Variants in DSCAM observed in about 807,000 individuals in gnomAD.
DSCAM encodes cell adhesion molecule DSCAM.
A neutral mutation model predicts 217.7 loss-of-function variants in DSCAM; 47 were observed. That is an observed-to-expected ratio of 0.22 (90% CI 0.17 to 0.28). The LOEUF (loss-of-function observed/expected upper bound fraction) is 0.28. DSCAM is among the 10% of genes least tolerant of loss of function. The probability of loss-of-function intolerance (pLI) is 1.00; values close to 1 mark genes in which losing one functional copy is unlikely to be tolerated. For missense variants in DSCAM, 2,080 were observed against 2,618.3 expected (o/e 0.79, Z 4.49); for synonymous variants, 1,056 against 1,015.3 (o/e 1.04, Z -0.76).
chr21:40,402,849 A>G lies in DSCAM; in HGVS notation c.509-33604T>C, dbSNP rs535893619. On this transcript the variant is annotated intron_variant, in intron 3 of 32. Transcript: ENST00000400454. ...AGTTTTAAGGCTTAATTTTAATGAC[A>G]TATCAAAACTCAGAGTAAGGCAATA... is the stretch of plus-strand genomic sequence containing the variant. Among the ~76,000 whole-genome samples, 68 of 152,274 alleles carry G rather than the reference A, an allele frequency of 4.5e-4. 1 individual carries two copies. The highest frequency in any genetic ancestry group is 1.3e-3 in the African/African-American group (52 of 41,570).
intron 32 of DSCAM, among the ~76,000 whole-genome samples, chr21:40,037,020 A>C (rs2088638774): frequency 6.6e-6 from 1 of 150,418 alleles, no homozygotes; most frequent in African/African-American, 2.5e-5. Flanking sequence ...CGTATTTCAA[A>C]ATAATAAGAG....
intron 1 of DSCAM, among the ~76,000 whole-genome samples, chr21:40,838,830 T>A (rs1034655905): frequency 6.6e-6 from 1 of 152,170 alleles, no homozygotes; most frequent in Non-Finnish European, 1.5e-5. Flanking sequence ...CACAGCATCA[T>A]CTTCTAGGGC....
intron 3 of DSCAM, among the ~76,000 whole-genome samples, chr21:40,483,964 G>A (rs2076003914): frequency 6.6e-6 from 1 of 152,114 alleles, no homozygotes; most frequent in South Asian, 2.1e-4. Context: ...TTTCTGAGAG[G>A]TAAGCAATTT....
Position 40,522,198 on chromosome 21 carries a change from A to C in DSCAM, c.509-152953T>G, listed in dbSNP as rs116296041. Among the ~76,000 whole-genome samples, 794 of 152,322 alleles carry C rather than the reference A, an allele frequency of 5.2e-3. 10 individuals carry two copies. The highest frequency in any genetic ancestry group is 0.018 in the African/African-American group (744 of 41,566). On this transcript the variant is annotated intron_variant, in intron 3 of 32. Coordinates refer to ENST00000400454, the MANE Select transcript of DSCAM (RefSeq NM_001389.5). ...AGAAATCTTTATTAAAGTAAGGCCA[A>C]TATAAGCAGTTAGTAGACAGAAACC...
intron 1 of DSCAM, among the ~76,000 whole-genome samples, chr21:40,727,064 G>C (rs2090963250): frequency 6.6e-6 from 1 of 152,142 alleles, no homozygotes; most frequent in Non-Finnish European, 1.5e-5. Flanking sequence ...TATAATACCA[G>C]TGTCAGGCAT....
chr21:40,030,300 G>C (rs1189540210), intron 32 of DSCAM, among the ~76,000 whole-genome samples: 1 of 151,712 alleles, frequency 6.6e-6, no homozygotes, highest in Non-Finnish European at 1.5e-5. Context: ...TGATAGACAA[G>C]ACCCACAGAG....
intron 3 of DSCAM, among the ~76,000 whole-genome samples, chr21:40,473,713 G>A (rs141528445): frequency 8.0e-4 from 122 of 152,256 alleles, no homozygotes; most frequent in African/African-American, 2.7e-3. Context: ...GGCCTACAAA[G>A]GGGTGATTAA....
intron 20 of DSCAM, among the ~76,000 whole-genome samples, chr21:40,101,338 G>A (rs1022521097): frequency 5.3e-5 from 8 of 152,178 alleles, no homozygotes; most frequent in Non-Finnish European, 1.0e-4. Context: ...CTAAGTGGCT[G>A]CCAAGTTACT....
chr21:40,263,573 G>C (rs1436595025), intron 11 of DSCAM, among the ~76,000 whole-genome samples: 1 of 152,090 alleles, frequency 6.6e-6, no homozygotes, highest in African/African-American at 2.4e-5. Context: ...TTGCTAAGAG[G>C]AAAGTTTACA....
chr21:40,081,033 A>C (rs1161761588), intron 24 of DSCAM, among the ~76,000 whole-genome samples: 1 of 152,200 alleles, frequency 6.6e-6, no homozygotes, highest in Non-Finnish European at 1.5e-5. Context: ...ACCCTATGGA[A>C]CAGTGACGAC....
At chr21:40,731,864 G>A (rs909726549) in intron 1 of DSCAM, among the ~76,000 whole-genome samples, 1 of 151,822 alleles carries the variant, frequency 6.6e-6, no homozygotes, top group Non-Finnish European at 1.5e-5. Context: ...GAGCAGATGG[G>A]ATTACAGGTG....
intron 4 of DSCAM, among the ~76,000 whole-genome samples, chr21:40,358,089 A>AGT (rs112803156): frequency 4.6e-5 from 7 of 152,320 alleles, no homozygotes; most frequent in African/African-American, 1.4e-4. Flanking sequence ...TAAACACCAC[A>AGT]GTGTGCACCT....
At chr21:40,090,361 G>A (rs1163522905) in intron 21 of DSCAM, among the ~76,000 whole-genome samples, 2 of 151,982 alleles carry the variant, frequency 1.3e-5, no homozygotes, top group South Asian at 2.1e-4. Flanking sequence ...GATGTGTGTT[G>A]AAGGAATGTT....
intron 3 of DSCAM, among the ~76,000 whole-genome samples, chr21:40,495,713 C>A (rs1338094309): frequency 1.3e-5 from 2 of 151,908 alleles, no homozygotes; most frequent in South Asian, 4.1e-4. Flanking sequence ...TTAAAAACAT[C>A]CAAATTGGAA....
intron 11 of DSCAM, among the ~76,000 whole-genome samples, chr21:40,217,485 T>G (rs2091253961): frequency 6.6e-6 from 1 of 151,916 alleles, no homozygotes; most frequent in South Asian, 2.1e-4. Context: ...GTTATGGGGG[T>G]TTGTTGTATA....
At chr21:40,514,603 C>G (rs2076285684) in intron 3 of DSCAM, among the ~76,000 whole-genome samples, 1 of 152,156 alleles carries the variant, frequency 6.6e-6, no homozygotes. Context: ...GCAGCAACAT[C>G]TAATGGTGTA....
At chr21:40,700,415 G>A (rs774659623) in intron 2 of DSCAM, among the ~76,000 whole-genome samples, 1 of 152,090 alleles carries the variant, frequency 6.6e-6, no homozygotes, top group African/African-American at 2.4e-5. Flanking sequence ...AGTGGATGTT[G>A]GGTTTCATCA....
In DSCAM at chr21:40,012,907, C is replaced by CTTTTT. The variant is rs11451228; in HGVS notation, c.*122_*126dup. The CTTTTT allele has an allele frequency of 6.8e-4, 378 of 553,404 alleles. 1 individual carries two copies. Among genetic ancestry groups the CTTTTT allele is most frequent in the African/African-American group, 6.6e-3 (325 of 49,432 alleles). 34.3% of individuals were successfully genotyped at this position (553,404 alleles called of 1,614,324 possible). On this transcript the variant is annotated 3_prime_UTR_variant, in exon 33 of 33. Coordinates refer to ENST00000400454, the MANE Select transcript of DSCAM (RefSeq NM_001389.5). ...ACTGTCTGTGGTTTCAGTATTTTCT[C>CTTTTT]TTTTTTTTTTTTAATATATTTTGGC...
intron 14 of DSCAM, among the ~76,000 whole-genome samples, chr21:40,181,579 C>T (rs748470915): frequency 6.6e-6 from 1 of 151,984 alleles, no homozygotes; most frequent in Non-Finnish European, 1.5e-5. Flanking sequence ...TTTGGCCTCG[C>T]CTGTGTTATC....
Sources: allele counts gnomAD v4.1 joint callset (sites outside exome capture counted in the v4.1 genomes callset), GRCh38; gene constraint gnomAD v4.1.1; transcripts MANE v1.5; gene names NCBI Gene and HGNC (gene_info 2026-07-23, HGNC 2026-07-21).